TMPRSS11F: variants seen among roughly 807,000 people sequenced by gnomAD.
The protein encoded by TMPRSS11F is transmembrane serine protease 11F.
In TMPRSS11F, 47 loss-of-function variants were observed where a neutral mutation model predicts 60.2. The ratio of observed to expected loss-of-function variants is 0.78; its 90% CI spans 0.62 to 1.00. TMPRSS11F has a LOEUF of 1.00. Among genes scored for constraint, TMPRSS11F ranks in the 50% least tolerant of loss-of-function variants. The pLI, the probability that TMPRSS11F is intolerant of heterozygous loss-of-function variation, is 0.00. For synonymous variants in TMPRSS11F, 166 were observed against 167.3 expected, an observed-to-expected ratio of 0.99 and a Z score of 0.06; for missense variants, 519 against 522.9, an observed-to-expected ratio of 0.99 and a Z score of 0.07.
At chr4:68,125,165 G>C (rs1724693059) in intron 1 of TMPRSS11F, among the ~76,000 whole-genome samples, 1 of 151,016 alleles carries the variant, frequency 6.6e-6, no homozygotes, top group African/African-American at 2.4e-5. Context: ...ATTTCATATG[G>C]TTCCCACTTG....
intron 3 of TMPRSS11F, among the ~76,000 whole-genome samples, chr4:68,088,915 G>A (rs938073483): frequency 3.3e-5 from 5 of 152,036 alleles, no homozygotes; most frequent in African/African-American, 1.2e-4. Flanking sequence ...CAAAACAAAC[G>A]TTGTCTCATG....
chr4:68,056,265 T>A (rs1370469101), intron 9 of TMPRSS11F, among the ~76,000 whole-genome samples: 1 of 152,082 alleles, frequency 6.6e-6, no homozygotes, highest in East Asian at 1.9e-4. Flanking sequence ...CATGATCTTA[T>A]AGATAGAAAA....
At chr4:68,077,477 C>G (rs1439711149) in intron 3 of TMPRSS11F, 1 of 152,230 alleles carries the variant, frequency 6.6e-6, no homozygotes, top group African/African-American at 2.4e-5. Flanking sequence ...AACAGGAATG[C>G]TGCTGGAAGA....
rs561299255 is a variant in TMPRSS11F, at chr4:68,068,759, C to T, written c.614G>A (p.Arg205Lys). 6.2e-6 allele frequency: 10 copies of T among 1,614,090 alleles called. No homozygotes were observed. The highest frequency in any genetic ancestry group is 8.5e-6 in the Non-Finnish European group (10 of 1,180,042). ...AGCTGTTTCCCTTCCTTGGACAATT[C>T]TTTGAGTAGAAGAGGATGCTGGTAA... ...MPLPASSSTQ[R>K]IVQGRETAME... Residue 205 changes from arginine to lysine, a missense_variant, in exon 7 of 10, where the codon AGA becomes AAA. By Grantham distance (26) the Arg-to-Lys change is conservative. Transcript: ENST00000356291.
chr4:68,068,957 G>C, intron 6 of TMPRSS11F, 138 bp from the exon 7 acceptor site: 2 of 825,656 alleles, frequency 2.4e-6, no homozygotes, highest in Non-Finnish European at 3.9e-6. Context: ...GAGCTTATTT[G>C]ATACAGGTCT....
chr4:68,094,502 A>G (rs966621703), intron 2 of TMPRSS11F, among the ~76,000 whole-genome samples: 15 of 149,778 alleles, frequency 1.0e-4, no homozygotes, highest in South Asian at 2.1e-4. Flanking sequence ...ATACATATGT[A>G]ACTAACCTGC....
intron 1 of TMPRSS11F, among the ~76,000 whole-genome samples, chr4:68,115,759 A>G (rs955607419): frequency 1.3e-5 from 2 of 152,218 alleles, no homozygotes; most frequent in Non-Finnish European, 1.5e-5. Context: ...AAGCAGTAAC[A>G]TATACAATAG....
intron 1 of TMPRSS11F, among the ~76,000 whole-genome samples, chr4:68,107,658 A>C (rs1046970107): frequency 6.6e-6 from 1 of 152,248 alleles, no homozygotes. Flanking sequence ...ATCATAATCC[A>C]GCAGGCCACA....
rs557191080 is a variant in TMPRSS11F at position 68,114,271 on chromosome 4, T to C, written c.12-15233A>G. Among the ~76,000 whole-genome samples, 14 of 151,106 alleles carry C rather than the reference T, an allele frequency of 9.3e-5. No homozygotes were observed. The East Asian group carries it at 1.2e-3, about 13-fold the overall frequency. On this transcript the variant is annotated intron_variant, in intron 1 of 9. Coordinates refer to ENST00000356291, the MANE Select transcript of TMPRSS11F (RefSeq NM_207407.2). ...GGAAATAATAAAGAAACTGATGAAA[T>C]TGAAAACAGTAGAAAAGTCAATAGA...
chr4:68,127,426 T>C (rs1243696646), intron 1 of TMPRSS11F, among the ~76,000 whole-genome samples: 1 of 152,108 alleles, frequency 6.6e-6, no homozygotes, highest in Non-Finnish European at 1.5e-5. Flanking sequence ...TCTCAACTTG[T>C]TGATAACTAT....
At chr4:68,101,044 C>G (rs1724181375) in intron 1 of TMPRSS11F, among the ~76,000 whole-genome samples, 7 of 152,112 alleles carry the variant, frequency 4.6e-5, no homozygotes, top group Admixed American at 3.3e-4. Context: ...CTTCAAGAAG[C>G]ACGAAATAAC....
At chr4:68,123,571 C>A (rs948491725) in intron 1 of TMPRSS11F, among the ~76,000 whole-genome samples, 1 of 152,154 alleles carries the variant, frequency 6.6e-6, no homozygotes, top group African/African-American at 2.4e-5. Context: ...TAGCAGAAAT[C>A]ATGGCCAAGT....
chr4:68,057,082 C>A (rs561136380), intron 9 of TMPRSS11F, among the ~76,000 whole-genome samples: 1 of 151,898 alleles, frequency 6.6e-6, no homozygotes, highest in Non-Finnish European at 1.5e-5. Context: ...GTCAGGAGTT[C>A]GAGACCAGCC....
At chr4:68,084,726 T>TTATTTA (rs200071313) in intron 3 of TMPRSS11F, among the ~76,000 whole-genome samples, 20 of 150,644 alleles carry the variant, frequency 1.3e-4, no homozygotes, top group African/African-American at 5.0e-4. Context: ...ATTTATTTAT[T>TTATTTA]TTTTTATGTT....
chr4:68,089,317 G>A (rs1723879435), intron 3 of TMPRSS11F, among the ~76,000 whole-genome samples: 1 of 152,164 alleles, frequency 6.6e-6, no homozygotes, highest in Admixed American at 6.6e-5. Flanking sequence ...AATGAAAACA[G>A]GGATGCAAGA....
intron 3 of TMPRSS11F, among the ~76,000 whole-genome samples, chr4:68,079,076 T>C (rs1250970816): frequency 1.3e-5 from 1 of 75,898 alleles, no homozygotes; most frequent in African/African-American, 3.3e-5. Flanking sequence ...TCTGGTATAG[T>C]ACAATACTGG....
At chr4:68,069,374 C>A (rs74715460) in intron 6 of TMPRSS11F, among the ~76,000 whole-genome samples, 9 of 152,050 alleles carry the variant, frequency 5.9e-5, no homozygotes, top group Non-Finnish European at 8.8e-5. Flanking sequence ...TAAACACTAT[C>A]GACCTTTTTG....
chr4:68,097,161 A>T (rs1387803277), intron 2 of TMPRSS11F, among the ~76,000 whole-genome samples: 1 of 152,202 alleles, frequency 6.6e-6, no homozygotes, highest in Non-Finnish European at 1.5e-5. Flanking sequence ...CTTGGGTGTT[A>T]ACCTCTGTAT....
chr4:68,080,634 T>C (rs1723679545), intron 3 of TMPRSS11F: 2 of 152,180 alleles, frequency 1.3e-5, no homozygotes, highest in Admixed American at 1.3e-4. Context: ...AAGCTCCAGA[T>C]CTCCCAGAGA....
Sources: gnomAD v4.1 joint callset for allele counts (sites outside exome capture counted in the v4.1 genomes callset) on GRCh38, gnomAD v4.1.1 for gene constraint, MANE v1.5 for transcripts, NCBI Gene and HGNC (gene_info 2026-07-23, HGNC 2026-07-21) for gene names.